Variants in KLF12 observed in about 807,000 individuals in gnomAD.
The protein encoded by KLF12 is KLF transcription factor 12.
A neutral mutation model predicts 37.8 loss-of-function variants in KLF12; 9 were observed. The ratio of observed to expected loss-of-function variants is 0.24; its 90% CI spans 0.14 to 0.42. The LOEUF (loss-of-function observed/expected upper bound fraction) is 0.42. Ranked by LOEUF, KLF12 falls within the 10% of genes least tolerant of loss-of-function variation. KLF12 has a pLI of 1.00. For missense variants in KLF12, 411 were observed against 516.0 expected (o/e 0.80, Z 1.97); for synonymous variants, 208 against 202.1 (o/e 1.03, Z -0.25).
At chr13:73,778,417 C>T (rs559862484) in intron 5 of KLF12, among the ~76,000 whole-genome samples, 12 of 152,206 alleles carry the variant, frequency 7.9e-5, no homozygotes, top group African/African-American at 1.2e-4. Context: ...CTGGAGCGCA[C>T]GTGGTGCAAT....
rs751287457 is a variant in KLF12, at chr13:73,954,645, C to T, written c.34-10575G>A. On this transcript the variant is annotated intron_variant, in intron 2 of 7. Coordinates refer to ENST00000377669, the MANE Select transcript of KLF12 (RefSeq NM_007249.5). ...ACCTAACAAGAATGGCCATGCCTTT[C>T]CTCTTTTTCCCACCAACACTCTGGA... is the stretch of plus-strand genomic sequence containing the variant. 2.6e-5 allele frequency among the ~76,000 whole-genome samples: 4 copies of T among 152,180 alleles called. No individual in the cohort carries two copies. In the South Asian group the frequency reaches 8.3e-4, roughly 32 times the overall value.
chr13:74,002,334 G>C (rs1892301172), intron 1 of KLF12, among the ~76,000 whole-genome samples: 1 of 152,130 alleles, frequency 6.6e-6, no homozygotes, highest in African/African-American at 2.4e-5. Context: ...AGTAACATTT[G>C]TTTAGAATGA....
rs1594209800 is a variant in KLF12 at position 73,883,908 on chromosome 13, C to G, written c.124-37535G>C. Among the ~76,000 whole-genome samples, 3 of 152,172 alleles carry G rather than the reference C, an allele frequency of 2.0e-5. No individual in the cohort carries two copies. The East Asian group carries it at 5.8e-4, about 29-fold the overall frequency. Reference sequence around the variant, plus strand: ...CTGAGTAGCTATTCTGCCATGAACTCTGATAAAATGGAGTGGCAGTCAACT... The same window carrying G: ...CTGAGTAGCTATTCTGCCATGAACTGTGATAAAATGGAGTGGCAGTCAACT... On this transcript the variant is annotated intron_variant, in intron 3 of 7. Coordinates refer to ENST00000377669, the MANE Select transcript of KLF12 (RefSeq NM_007249.5).
At chr13:74,153,566 G>T in the KLF12 span, among the ~76,000 whole-genome samples, 1 of 152,132 alleles carries the variant, frequency 6.6e-6, no homozygotes, top group South Asian at 2.1e-4. Flanking sequence ...TGGTCCAGCT[G>T]TTGCCTCATT....
intron 3 of KLF12, among the ~76,000 whole-genome samples, chr13:73,939,068 G>A (rs547590164): frequency 1.3e-5 from 2 of 152,156 alleles, no homozygotes; most frequent in East Asian, 1.9e-4. Flanking sequence ...CTTCTCTGCC[G>A]GCCCACGGAT....
chr13:74,186,007 A>G, the KLF12 span, among the ~76,000 whole-genome samples: 2 of 152,152 alleles, frequency 1.3e-5, no homozygotes, highest in South Asian at 2.1e-4. Flanking sequence ...ATGAGCTGGA[A>G]TTGTTATGTT....
At chr13:74,272,814 T>C in the KLF12 span, among the ~76,000 whole-genome samples, 1 of 152,260 alleles carries the variant, frequency 6.6e-6, no homozygotes, top group East Asian at 1.9e-4. Context: ...TCAAGAAGTA[T>C]CATTTTCCTG....
chr13:73,964,217 A>T (rs552809760), intron 2 of KLF12, among the ~76,000 whole-genome samples: 5 of 152,338 alleles, frequency 3.3e-5, no homozygotes, highest in Admixed American at 2.6e-4. Context: ...CTGTACTTTC[A>T]CACACCCACA....
chr13:73,839,541 CAAT>C (rs1051577429), intron 4 of KLF12, among the ~76,000 whole-genome samples: 8 of 151,938 alleles, frequency 5.3e-5, no homozygotes, highest in African/African-American at 1.9e-4. Flanking sequence ...TTCCACTAAA[CAAT>C]GAAGAAAAAA....
intron 6 of KLF12, among the ~76,000 whole-genome samples, chr13:73,759,866 A>G (rs536098128): frequency 2.0e-5 from 3 of 152,278 alleles, no homozygotes; most frequent in African/African-American, 4.8e-5. Flanking sequence ...GAGATTTCCA[A>G]TATCTACAAC....
At chr13:73,761,094 G>A (rs562121626) in intron 6 of KLF12, among the ~76,000 whole-genome samples, 2 of 152,134 alleles carry the variant, frequency 1.3e-5, no homozygotes, top group East Asian at 3.9e-4. Context: ...TCTCCTGTGG[G>A]TCTGATATTA....
chr13:73,960,746 T>C (rs764421210), intron 2 of KLF12, among the ~76,000 whole-genome samples: 2 of 152,210 alleles, frequency 1.3e-5, no homozygotes, highest in African/African-American at 2.4e-5. Context: ...CAGCTTGAAC[T>C]GCACTATCAA....
chr13:74,203,179 A>G, the KLF12 span, among the ~76,000 whole-genome samples: 1 of 152,086 alleles, frequency 6.6e-6, no homozygotes, highest in African/African-American at 2.4e-5. Context: ...TGGGGCATCT[A>G]AGAGATGATA....
chr13:73,887,169 A>G (rs1411314371), intron 3 of KLF12, among the ~76,000 whole-genome samples: 1 of 152,216 alleles, frequency 6.6e-6, no homozygotes, highest in Non-Finnish European at 1.5e-5. Context: ...AACAAATATA[A>G]CTGCCTAATT....
At chr13:74,215,664 G>C in the KLF12 span, among the ~76,000 whole-genome samples, 1 of 152,014 alleles carries the variant, frequency 6.6e-6, no homozygotes, top group African/African-American at 2.4e-5. Context: ...TGCAGAACTC[G>C]TACCCTCTTC....
chr13:74,109,640 A>G (rs1337850145), intron 1 of KLF12, among the ~76,000 whole-genome samples: 1 of 152,202 alleles, frequency 6.6e-6, no homozygotes, highest in Non-Finnish European at 1.5e-5. Context: ...ATAAAATTGT[A>G]AATCTATACT....
intron 4 of KLF12, among the ~76,000 whole-genome samples, chr13:73,844,171 A>G (rs1884896390): frequency 1.3e-5 from 2 of 152,194 alleles, no homozygotes; most frequent in African/African-American, 4.8e-5. Context: ...ACACATGTAC[A>G]CATATATAAG....
the KLF12 span, among the ~76,000 whole-genome samples, chr13:74,279,716 A>G: frequency 6.6e-6 from 1 of 152,172 alleles, no homozygotes. Flanking sequence ...GTGGTACAGG[A>G]AAACACATCA....
chr13:74,037,548 T>A (rs189007295), intron 1 of KLF12, among the ~76,000 whole-genome samples: 2 of 152,338 alleles, frequency 1.3e-5, no homozygotes, highest in East Asian at 3.9e-4. Flanking sequence ...AAGCATTTTC[T>A]AAGATGCACT....
Sources: allele counts gnomAD v4.1 joint callset (sites outside exome capture counted in the v4.1 genomes callset), GRCh38; gene constraint gnomAD v4.1.1; transcripts MANE v1.5; gene names NCBI Gene and HGNC (gene_info 2026-07-23, HGNC 2026-07-21).